The following MAD1L1 variants were observed in gnomAD, a reference collection of about 807,000 sequenced individuals.
MAD1L1 encodes mitotic spindle assembly checkpoint protein MAD1.
A neutral mutation model predicts 96.9 loss-of-function variants in MAD1L1; 95 were observed. That is an observed-to-expected ratio of 0.98 (90% confidence interval 0.83 to 1.16). The LOEUF (loss-of-function observed/expected upper bound fraction) is 1.16. Among genes scored for constraint, MAD1L1 ranks in the 50% most tolerant of loss-of-function variants. MAD1L1 has a pLI of 0.00. For synonymous variants in MAD1L1, 473 were observed against 396.6 expected (o/e 1.19, Z -2.29); for missense variants, 1,007 against 954.4 (o/e 1.06, Z -0.73).
intron 10 of MAD1L1, among the ~76,000 whole-genome samples, chr7:2,203,770 T>C (rs965203673): frequency 6.6e-6 from 1 of 152,244 alleles, no homozygotes; most frequent in African/African-American, 2.4e-5. Flanking sequence ...AGAGCTTCTA[T>C]GTACACACAT....
chr7:2,116,549 C>T lies in MAD1L1; in HGVS notation c.1073+32603G>A, dbSNP rs1012075453. Among the ~76,000 whole-genome samples the T allele has an allele frequency of 1.4e-4, 9 of 64,830 alleles. No homozygotes were observed. In the Admixed American group the frequency reaches 1.5e-3, roughly 11 times the overall value. The allele number at this position is 64,830 out of a possible 152,430, so 42.5% of individuals were successfully genotyped here. On this transcript the variant is annotated intron_variant, in intron 11 of 18. Transcript: ENST00000265854. ...GGCCTGGATAAGGCAGGTACCCACA[C>T]GTGGCAGGCCAGAGGGTTGGGGGGG...
rs1213304833 is a variant in MAD1L1 at position 2,168,289 on chromosome 7, G to GA, written c.987-19052dup. Among the ~76,000 whole-genome samples the GA allele has an allele frequency of 1.2e-4, 15 of 130,348 alleles. 1 individual carries two copies. The highest frequency in any genetic ancestry group is 2.1e-4 in the African/African-American group (6 of 29,010). The allele number at this position is 130,348 out of a possible 152,430, so 85.5% of individuals were successfully genotyped here. ...GACAGAGCGAGACTGTCTAAAAAAA[G>GA]AAAAAAAAAGAACAGTGAATTGAAA... On this transcript the variant is annotated intron_variant, in intron 10 of 18. Transcript: ENST00000265854.
chr7:1,939,046 G>GCA lies in MAD1L1; in HGVS notation c.1597-2151_1597-2150dup, dbSNP rs34624169. On this transcript the variant is annotated intron_variant, in intron 16 of 18. Coordinates refer to ENST00000265854, the MANE Select transcript of MAD1L1 (RefSeq NM_001013836.2). ...ACATGGGCCAGGGCTGGGGCCAGAG[G>GCA]CACACACACACACACACGGGCCAGA... 7.2e-4 allele frequency among the ~76,000 whole-genome samples: 77 copies of GCA among 107,312 alleles called. 1 individual carries two copies. Among genetic ancestry groups the GCA allele is most frequent in the East Asian group, 6.4e-3 (21 of 3,260 alleles). The allele number at this position is 107,312 out of a possible 152,430, so 70.4% of individuals were successfully genotyped here.
intron 11 of MAD1L1, among the ~76,000 whole-genome samples, chr7:2,139,573 G>A (rs1788924615): frequency 6.6e-6 from 1 of 152,212 alleles, no homozygotes; most frequent in African/African-American, 2.4e-5. Context: ...CCAGGGGCTG[G>A]GGCCAAAGGC....
At chr7:2,183,793 C>G (rs1212301049) in intron 10 of MAD1L1, among the ~76,000 whole-genome samples, 1 of 151,906 alleles carries the variant, frequency 6.6e-6, no homozygotes. Flanking sequence ...AGGAGATATA[C>G]CTAATGCTAA....
At chr7:1,976,020 C>G (rs1212709769) in intron 15 of MAD1L1, among the ~76,000 whole-genome samples, 1 of 152,216 alleles carries the variant, frequency 6.6e-6, no homozygotes, top group Non-Finnish European at 1.5e-5. Context: ...GGCTCCTCAG[C>G]TGCTGCCTCT....
chr7:2,040,753 C>T (rs1452827088), intron 12 of MAD1L1, among the ~76,000 whole-genome samples: 3 of 152,224 alleles, frequency 2.0e-5, no homozygotes, highest in Non-Finnish European at 4.4e-5. Flanking sequence ...AGGCCCCTGG[C>T]CTCCATCCCG....
intron 12 of MAD1L1, among the ~76,000 whole-genome samples, chr7:2,042,879 A>T (rs1390547092): frequency 2.1e-5 from 2 of 95,620 alleles, no homozygotes; most frequent in African/African-American, 1.1e-4. Flanking sequence ...TCACGCACAC[A>T]CATGTCCACG....
chr7:1,977,103 C>G (rs539030328), intron 15 of MAD1L1, among the ~76,000 whole-genome samples: 1 of 152,238 alleles, frequency 6.6e-6, no homozygotes, highest in Non-Finnish European at 1.5e-5. Flanking sequence ...AGTCCCACGT[C>G]ACACGCCTGC....
chr7:2,014,424 C>T (rs1782439095), intron 13 of MAD1L1, 78 bp downstream of exon 13: 1 of 1,477,722 alleles, frequency 6.8e-7, no homozygotes, highest in South Asian at 1.3e-5. Flanking sequence ...CCTCCACCTC[C>T]CCGCCGCAGG....
intron 18 of MAD1L1, among the ~76,000 whole-genome samples, chr7:1,874,919 T>C (rs1785301530): frequency 6.6e-6 from 1 of 152,128 alleles, no homozygotes; most frequent in African/African-American, 2.4e-5. Context: ...ATAGGCACCC[T>C]GCACCTGTGC....
At chr7:2,127,494 C>CG (rs1311938266) in intron 11 of MAD1L1, among the ~76,000 whole-genome samples, 1 of 151,466 alleles carries the variant, frequency 6.6e-6, no homozygotes. Flanking sequence ...CAGCTGCACA[C>CG]GGGGGAGCGG....
At chr7:2,180,459 AG>A (rs954631611) in intron 10 of MAD1L1, among the ~76,000 whole-genome samples, 1 of 152,222 alleles carries the variant, frequency 6.6e-6, no homozygotes, top group African/African-American at 2.4e-5. Context: ...CAAGCATTAG[AG>A]GCAAACAAAA....
At chr7:2,076,563 A>C (rs1172517503) in intron 11 of MAD1L1, among the ~76,000 whole-genome samples, 1 of 152,216 alleles carries the variant, frequency 6.6e-6, no homozygotes, top group East Asian at 1.9e-4. Context: ...ACGCCCAGAC[A>C]CACTGTTCAC....
intron 18 of MAD1L1, among the ~76,000 whole-genome samples, chr7:1,841,186 A>G (rs1405966983): frequency 6.6e-6 from 1 of 152,210 alleles, no homozygotes; most frequent in Non-Finnish European, 1.5e-5. Flanking sequence ...ACGGCCACCA[A>G]TGAGAGCTGT....
chr7:2,160,777 G>A (rs1304726634), intron 10 of MAD1L1, among the ~76,000 whole-genome samples: 1 of 152,120 alleles, frequency 6.6e-6, no homozygotes, highest in Non-Finnish European at 1.5e-5. Flanking sequence ...ACCATGCCGG[G>A]CTAGCCACTG....
At chr7:2,026,298 C>G (rs964247070) in intron 12 of MAD1L1, among the ~76,000 whole-genome samples, 2 of 152,110 alleles carry the variant, frequency 1.3e-5, no homozygotes, top group African/African-American at 4.8e-5. Context: ...CCTAATAAAA[C>G]AGCATCCAAA....
At chr7:1,950,897 G>T (rs1320886196) in intron 16 of MAD1L1, among the ~76,000 whole-genome samples, 1 of 152,254 alleles carries the variant, frequency 6.6e-6, no homozygotes, top group African/African-American at 2.4e-5. Flanking sequence ...TGCAGACGAG[G>T]CATCTACCTG....
At chr7:2,076,173 C>T (rs750466059) in intron 11 of MAD1L1, among the ~76,000 whole-genome samples, 37 of 152,230 alleles carry the variant, frequency 2.4e-4, no homozygotes, top group Non-Finnish European at 3.7e-4. Flanking sequence ...TCCACAGCCA[C>T]GCCCGGGCCC....
Sources: gnomAD v4.1 joint callset for allele counts (sites outside exome capture counted in the v4.1 genomes callset) on GRCh38, gnomAD v4.1.1 for gene constraint, MANE v1.5 for transcripts, NCBI Gene and HGNC (gene_info 2026-07-23, HGNC 2026-07-21) for gene names.